ZNF799: variants seen among roughly 807,000 people sequenced by gnomAD.
ZNF799 encodes zinc finger protein 14.
Under a neutral mutation model 41.0 loss-of-function variants are expected in ZNF799, and 28 were observed. The ratio of observed to expected loss-of-function variants is 0.68; its 90% CI spans 0.51 to 0.94. The LOEUF (loss-of-function observed/expected upper bound fraction) is 0.94, where lower values mean the gene tolerates loss of function less well. Among genes scored for constraint, ZNF799 ranks in the 40% least tolerant of loss-of-function variants. ZNF799 has a pLI of 0.00. For missense variants in ZNF799, 716 were observed against 764.3 expected, an observed-to-expected ratio of 0.94 and a Z score of 0.74; for synonymous variants, 213 against 252.9, an observed-to-expected ratio of 0.84 and a Z score of 1.50.
upstream of ZNF799, chr19:12,401,309 C>T: frequency 7.9e-7 from 1 of 1,259,090 alleles, no homozygotes; most frequent in South Asian, 1.6e-5. Flanking sequence ...TTACTGGATA[C>T]GGCGTCAGGT....
At chr19:12,408,416 T>C in the ZNF799 span, among the ~76,000 whole-genome samples, 3 of 152,102 alleles carry the variant, frequency 2.0e-5, no homozygotes, top group Admixed American at 6.6e-5. Context: ...ACTATATCAA[T>C]TGCCATTTAA....
chr19:12,401,538 ATACT>A (rs1969986144), upstream of ZNF799, among the ~76,000 whole-genome samples: 1 of 112,760 alleles, frequency 8.9e-6, no homozygotes, highest in Admixed American at 1.1e-4. Context: ...CAAAACAATT[ATACT>A]TTTTTTTTTT....
the ZNF799 span, among the ~76,000 whole-genome samples, chr19:12,411,644 ACTCT>A: frequency 6.6e-6 from 1 of 151,334 alleles, no homozygotes; most frequent in East Asian, 1.9e-4. Context: ...ACTCTCACTC[ACTCT>A]GTTGTCCAGG....
upstream of ZNF799, among the ~76,000 whole-genome samples, chr19:12,401,569 CGAGAGA>C (rs142456121): frequency 0.049 from 3,807 of 78,380 alleles, 341 homozygotes; most frequent in African/African-American, 0.19. Flanking sequence ...TTTTTTTTTC[CGAGAGA>C]GAGAGAGAGA....
rs562419467 is a variant in ZNF799 at position 12,390,115 on chromosome 19, C to T, written c.*351G>A. On this transcript the variant is annotated 3_prime_UTR_variant, in exon 4 of 4. Transcript: ENST00000430385. Reference sequence around the variant, plus strand: ...ATACTGAAAATACATAGACTCTTTTCCTTATCATGAGTCCCTAAACAATAC... The same window carrying T: ...ATACTGAAAATACATAGACTCTTTTTCTTATCATGAGTCCCTAAACAATAC... 3.6e-5 allele frequency: 13 copies of T among 358,494 alleles called. No individual in the cohort carries two copies. In the East Asian group the frequency reaches 7.4e-4, roughly 20 times the overall value. The allele number at this position is 358,494 out of a possible 1,614,324, so 22.2% of individuals were successfully genotyped here.
At chr19:12,392,924 C>T (rs1969846292) in intron 2 of ZNF799, among the ~76,000 whole-genome samples, 1 of 152,214 alleles carries the variant, frequency 6.6e-6, no homozygotes, top group South Asian at 2.1e-4. Context: ...AGAATGAAAA[C>T]CTTTCTGATG....
At chr19:12,402,083 G>A (rs1305408608), upstream of ZNF799, among the ~76,000 whole-genome samples, 6 of 152,150 alleles carry the variant, frequency 3.9e-5, no homozygotes, top group Non-Finnish European at 7.3e-5. Flanking sequence ...CCTTCTACAC[G>A]TTTTTGGTTG....
intron 1 of ZNF799, among the ~76,000 whole-genome samples, chr19:12,397,824 A>T (rs903385280): frequency 3.3e-5 from 5 of 152,184 alleles, no homozygotes; most frequent in Admixed American, 6.5e-5. Flanking sequence ...CACAGTAGAA[A>T]AAAAACAAGA....
At chr19:12,393,975 A>G (rs1256964768) in intron 1 of ZNF799, 3 of 167,288 alleles carry the variant, frequency 1.8e-5, no homozygotes, top group African/African-American at 7.2e-5. Context: ...ATTTTGTTAC[A>G]TACTCAGCAC....
At chr19:12,398,352 C>T (rs1969930943) in intron 1 of ZNF799, 2 of 151,852 alleles carry the variant, frequency 1.3e-5, no homozygotes, top group African/African-American at 2.4e-5. Context: ...CTCTCTTACC[C>T]TTCTATGCTT....
At position 12,391,597 on chromosome 19, in the gene ZNF799, A is replaced by G. The variant is rs1300541352; in HGVS notation, c.801T>C (p.Ser267=). 6.2e-7 allele frequency: 1 copy of G among 1,613,946 alleles called. No individual in the cohort carries two copies. Among genetic ancestry groups the G allele is most frequent in the African/African-American group, 1.3e-5 (1 of 74,902 alleles). The part of the protein sequence containing the change: ...QCSKAFPDYS[S]CLRHERTHTG... Reference sequence around the variant, plus strand: ...TGTGAGTTCTTTCATGTCTTAGACAAGAACTGTAATCAGGGAAGGCTTTAG... The same window carrying G: ...TGTGAGTTCTTTCATGTCTTAGACAGGAACTGTAATCAGGGAAGGCTTTAG... The change falls in exon 4 of 4, where the codon TCT becomes TCC. Residue 267 remains serine (S), a synonymous_variant. Transcript: ENST00000430385.
chr19:12,395,662 G>C (rs1043750020), intron 1 of ZNF799, among the ~76,000 whole-genome samples: 2 of 152,190 alleles, frequency 1.3e-5, no homozygotes, highest in African/African-American at 4.8e-5. Context: ...AGGTATCCTG[G>C]GGAATTGAGA....
At chr19:12,403,845 C>T (rs1306846696), upstream of ZNF799, among the ~76,000 whole-genome samples, 1 of 152,192 alleles carries the variant, frequency 6.6e-6, no homozygotes, top group Admixed American at 6.5e-5. Context: ...AGCCACCGCA[C>T]CCAGCCTGCA....
In ZNF799 at chr19:12,392,082, G is replaced by T. The variant is rs747049249; in HGVS notation, c.316C>A (p.Arg106Ser). 1.9e-6 allele frequency: 3 copies of T among 1,613,994 alleles called. No homozygotes were observed. The highest frequency in any genetic ancestry group is 2.2e-5 in the East Asian group (1 of 44,898). ...CCCATGATGACTTCTCCACTCATAC[G>T]GCTTTCATATGGACCTACTCCAGGA... ...TLPGVGPYES[R>S]MSGEVIMGHS... The change falls in exon 4 of 4, where the codon CGT becomes AGT. Residue 106 changes from arginine to serine, a missense_variant. Transcript: ENST00000430385.
upstream of ZNF799, among the ~76,000 whole-genome samples, chr19:12,402,645 G>C (rs1014500346): frequency 2.6e-5 from 4 of 151,676 alleles, no homozygotes; most frequent in South Asian, 2.1e-4. Flanking sequence ...TATCATGAAG[G>C]GATGTTAAAT....
intron 1 of ZNF799, among the ~76,000 whole-genome samples, chr19:12,397,945 T>C (rs918999572): frequency 2.0e-5 from 3 of 152,306 alleles, no homozygotes; most frequent in Non-Finnish European, 4.4e-5. Context: ...TACTCCATTC[T>C]AGCCCTAATC....
the ZNF799 span, among the ~76,000 whole-genome samples, chr19:12,414,015 CG>C: frequency 7.2e-5 from 11 of 152,186 alleles, no homozygotes; most frequent in African/African-American, 2.4e-4. Context: ...GCGGCCTGTG[CG>C]GGTCCCAGTG....
chr19:12,401,877 A>C (rs1969994970), upstream of ZNF799, among the ~76,000 whole-genome samples: 1 of 151,922 alleles, frequency 6.6e-6, no homozygotes, highest in Non-Finnish European at 1.5e-5. Flanking sequence ...CCTGGCTCCA[A>C]TTATACTCTT....
At chr19:12,413,686 G>C in the ZNF799 span, among the ~76,000 whole-genome samples, 2 of 152,166 alleles carry the variant, frequency 1.3e-5, no homozygotes, top group Non-Finnish European at 2.9e-5. Context: ...CATAATCTAC[G>C]ACCAGTAGTG....
Sources: allele counts gnomAD v4.1 joint callset (sites outside exome capture counted in the v4.1 genomes callset), GRCh38; gene constraint gnomAD v4.1.1; transcripts MANE v1.5; gene names NCBI Gene and HGNC (gene_info 2026-07-23, HGNC 2026-07-21).